KALRN: variants seen among roughly 807,000 people sequenced by gnomAD.
The protein encoded by KALRN is kalirin RhoGEF kinase, also known as kalirin.
In KALRN, 70 loss-of-function variants were observed where a neutral mutation model predicts 353.7. The observed-to-expected ratio is 0.20, with a 90% CI of 0.16 to 0.24. The LOEUF is 0.24. KALRN is among the 10% of genes least tolerant of loss of function. KALRN has a pLI of 1.00. For synonymous variants in KALRN, 1,391 were observed against 1,434.8 expected, an observed-to-expected ratio of 0.97 and a Z score of 0.69; for missense variants, 2,791 against 3,756.7, an observed-to-expected ratio of 0.74 and a Z score of 6.72.
intron 1 of KALRN, among the ~76,000 whole-genome samples, chr3:124,060,992 T>A (rs1300790179): frequency 6.6e-6 from 1 of 152,220 alleles, no homozygotes. Flanking sequence ...TGCTCCTTCA[T>A]TCTCTCAGAC....
chr3:124,390,674 A>G (rs1260772102), intron 11 of KALRN, among the ~76,000 whole-genome samples: 3 of 152,276 alleles, frequency 2.0e-5, no homozygotes, highest in Non-Finnish European at 2.9e-5. Flanking sequence ...GCCTTTCAAC[A>G]TCCTTAAGGA....
intron 1 of KALRN, among the ~76,000 whole-genome samples, chr3:124,056,313 G>A (rs1359675389): frequency 1.3e-5 from 2 of 152,160 alleles, no homozygotes; most frequent in African/African-American, 4.8e-5. Context: ...TCCTTTGGAT[G>A]TCAGTGGAGA....
rs145675794 is a variant in KALRN at position 124,195,366 on chromosome 3, G to A, written c.74-32624G>A. 2.7e-3 allele frequency among the ~76,000 whole-genome samples: 409 copies of A among 152,286 alleles called. 1 individual carries two copies. Among genetic ancestry groups the A allele is most frequent in the Middle Eastern group, 0.01 (3 of 294 alleles). Reference sequence around the variant, plus strand: ...AGGTTGCCAGCTCCTGTGTTGGAAGGATCAAAGGATGGAGCATGTACAAGT... The same window carrying A: ...AGGTTGCCAGCTCCTGTGTTGGAAGAATCAAAGGATGGAGCATGTACAAGT... On this transcript the variant is annotated intron_variant, in intron 1 of 59. Transcript: ENST00000682506.
At chr3:124,039,546 G>A (rs755623030) in intron 1 of KALRN, among the ~76,000 whole-genome samples, 25 of 152,182 alleles carry the variant, frequency 1.6e-4, no homozygotes, top group Non-Finnish European at 3.4e-4. Context: ...TATATTCACT[G>A]TATGATTTCT....
At chr3:124,465,055 A>G (rs2060201059) in intron 25 of KALRN, among the ~76,000 whole-genome samples, 1 of 152,176 alleles carries the variant, frequency 6.6e-6, no homozygotes, top group Non-Finnish European at 1.5e-5. Flanking sequence ...GCTATTGACC[A>G]AAAATAAATT....
chr3:124,593,325 G>A (rs563779940), intron 34 of KALRN, among the ~76,000 whole-genome samples: 3 of 152,260 alleles, frequency 2.0e-5, no homozygotes, highest in Admixed American at 1.3e-4. Flanking sequence ...TAGAGCAGAA[G>A]TTCTCAAAGT....
At chr3:124,295,386 G>A (rs931129449) in intron 5 of KALRN, among the ~76,000 whole-genome samples, 7 of 152,190 alleles carry the variant, frequency 4.6e-5, no homozygotes, top group South Asian at 2.1e-4. Flanking sequence ...TGGCATGGGC[G>A]CAGACCTCAT....
At chr3:124,644,201 C>A (rs1415178036) in intron 37 of KALRN, among the ~76,000 whole-genome samples, 3 of 141,862 alleles carry the variant, frequency 2.1e-5, no homozygotes, top group East Asian at 5.0e-4. Flanking sequence ...TATATTTTGA[C>A]CTTTTAAAAA....
At position 124,430,696 on chromosome 3, in the gene KALRN, C is replaced by T. The variant is rs777184569; in HGVS notation, c.2750C>T (p.Ala917Val). 43 of 1,614,070 alleles carry T rather than the reference C, an allele frequency of 2.7e-5. No individual in the cohort carries two copies. Among genetic ancestry groups the T allele is most frequent in the Non-Finnish European group, 3.6e-5 (42 of 1,180,014 alleles). ...WIRNGESMLN[A>V]SLVNASSLSE... ...CGCAATGGAGAGTCAATGCTCAACG[C>T]CAGCCTGGTCAATGCCAGCTCTTTG... Residue 917 changes from alanine to valine, a missense_variant, in exon 16 of 60, where the codon GCC becomes GTC. Transcript: ENST00000682506.
chr3:124,632,350 T>C, intron 34 of KALRN, 70 bp from the exon 35 acceptor site: 2 of 1,459,684 alleles, frequency 1.4e-6, no homozygotes, highest in Non-Finnish European at 1.9e-6. Flanking sequence ...AGGATGGAGC[T>C]GTCTCAGTCC....
intron 1 of KALRN, among the ~76,000 whole-genome samples, chr3:124,166,966 A>C (rs184390118): frequency 3.0e-4 from 46 of 152,252 alleles, no homozygotes; most frequent in Non-Finnish European, 5.9e-4. Flanking sequence ...AATCATTTGA[A>C]TCTGGGAGGC....
chr3:124,496,019 A>ACCCCCTCTG (rs1241039236), intron 32 of KALRN, among the ~76,000 whole-genome samples: 3 of 51,462 alleles, frequency 5.8e-5, no homozygotes, highest in Non-Finnish European at 6.4e-5. Flanking sequence ...ATATACACAC[A>ACCCCCTCTG]CATATATACA....
At chr3:124,225,960 A>T (rs1461634687) in intron 1 of KALRN, among the ~76,000 whole-genome samples, 1 of 152,198 alleles carries the variant, frequency 6.6e-6, no homozygotes, top group African/African-American at 2.4e-5. Context: ...ACAGGACTGA[A>T]ATTTAACTTT....
At chr3:124,277,289 G>A (rs1258697086) in intron 5 of KALRN, among the ~76,000 whole-genome samples, 1 of 152,144 alleles carries the variant, frequency 6.6e-6, no homozygotes, top group Non-Finnish European at 1.5e-5. Context: ...GTAATTTCCT[G>A]CTTTTTTTGG....
At chr3:124,503,557 G>A (rs1480717395) in intron 33 of KALRN, among the ~76,000 whole-genome samples, 1 of 152,038 alleles carries the variant, frequency 6.6e-6, no homozygotes, top group Admixed American at 6.6e-5. Flanking sequence ...GTAGGCAGGT[G>A]GCTGGAGGAG....
chr3:124,216,073 C>T (rs2077298457), intron 1 of KALRN, among the ~76,000 whole-genome samples: 1 of 152,170 alleles, frequency 6.6e-6, no homozygotes. Context: ...GTTCAACTAA[C>T]CTCAGTTCTT....
chr3:124,227,953 C>G (rs1463382727), intron 1 of KALRN, 37 bp from the exon 2 acceptor site: 1 of 1,570,410 alleles, frequency 6.4e-7, no homozygotes, highest in Non-Finnish European at 8.8e-7. Context: ...CAGCTGGCTC[C>G]TCTCACCCTG....
At chr3:124,329,532 C>T (rs1272813369) in intron 7 of KALRN, among the ~76,000 whole-genome samples, 1 of 152,178 alleles carries the variant, frequency 6.6e-6, no homozygotes, top group African/African-American at 2.4e-5. Context: ...CTAATGTATC[C>T]GTGGAATGTG....
intron 5 of KALRN, among the ~76,000 whole-genome samples, chr3:124,277,883 T>A (rs1264136671): frequency 6.6e-6 from 1 of 152,230 alleles, no homozygotes; most frequent in Non-Finnish European, 1.5e-5. Context: ...TCTTTGGAAC[T>A]GAGAACTAAG....
Sources: allele counts gnomAD v4.1 joint callset (sites outside exome capture counted in the v4.1 genomes callset), GRCh38; gene constraint gnomAD v4.1.1; transcripts MANE v1.5; gene names NCBI Gene and HGNC (gene_info 2026-07-23, HGNC 2026-07-21).